The following AASDH variants were observed in gnomAD, a reference collection of about 807,000 sequenced individuals.
AASDH encodes beta-alanine-activating enzyme.
AASDH carries 81 observed loss-of-function variants against 102.3 expected under a neutral mutation model. The ratio of observed to expected loss-of-function variants is 0.79; its 90% CI spans 0.66 to 0.95. The LOEUF (loss-of-function observed/expected upper bound fraction) is 0.95, where lower values mean the gene tolerates loss of function less well. Among genes scored for constraint, AASDH ranks in the 40% least tolerant of loss-of-function variants. The pLI, the probability that AASDH is intolerant of heterozygous loss-of-function variation, is 0.00. For synonymous variants in AASDH, 398 were observed against 454.0 expected (o/e 0.88, Z 1.57); for missense variants, 1,203 against 1,266.2 (o/e 0.95, Z 0.76).
chr4:56,359,373 C>T (rs1444253537), intron 5 of AASDH, among the ~76,000 whole-genome samples: 1 of 151,948 alleles, frequency 6.6e-6, no homozygotes, highest in African/African-American at 2.4e-5. Context: ...GATTCTCCTG[C>T]CTCAGCCTCC....
At chr4:56,340,752 G>C (rs1272055907) in intron 14 of AASDH, among the ~76,000 whole-genome samples, 1 of 152,158 alleles carries the variant, frequency 6.6e-6, no homozygotes, top group Non-Finnish European at 1.5e-5. Context: ...TGTTGAATGG[G>C]AGAAAATACT....
intron 5 of AASDH, among the ~76,000 whole-genome samples, chr4:56,357,634 ATATATATAAT>A (rs1749780700): frequency 1.3e-5 from 2 of 149,076 alleles, no homozygotes; most frequent in South Asian, 4.2e-4. Flanking sequence ...AATATAAATT[ATATATATAAT>A]TATATATAAT....
At chr4:56,371,765 T>C in intron 4 of AASDH, 122 bp from the exon 5 acceptor site, 1 of 931,240 alleles carries the variant, frequency 1.1e-6, no homozygotes, top group Non-Finnish European at 1.5e-6. Context: ...TTTATTCTTC[T>C]CTCTTAAATT....
chr4:56,373,840 T>C (rs1434974501), intron 4 of AASDH, among the ~76,000 whole-genome samples: 8 of 103,996 alleles, frequency 7.7e-5, no homozygotes, highest in African/African-American at 2.5e-4. Flanking sequence ...TGTAGTTCCA[T>C]GTAGTTCATT....
intron 5 of AASDH, chr4:56,356,886 G>A: frequency 1.0e-6 from 1 of 955,598 alleles, no homozygotes; most frequent in African/African-American, 1.6e-5. Context: ...GCATCGCCAA[G>A]CTCGAAAAGG....
At chr4:56,385,027 C>T (rs138844718) in intron 1 of AASDH, among the ~76,000 whole-genome samples, 2,428 of 152,132 alleles carry the variant, frequency 0.016, 75 homozygotes, top group African/African-American at 0.055. Flanking sequence ...TGAGCCAAGA[C>T]GGCACCACTG....
chr4:56,345,347 C>A (rs1440500087), intron 11 of AASDH, 57 bp from the exon 12 acceptor site: 3 of 1,512,756 alleles, frequency 2.0e-6, no homozygotes, highest in Non-Finnish European at 2.7e-6. Flanking sequence ...GAAAATAATT[C>A]TTTAGCCTAC....
rs776865219 is a variant in AASDH, at chr4:56,349,263, C to T, written c.2488G>A (p.Gly830Ser). The part of the protein sequence containing the change: ...VSKCGNFIVV[G>S]CYNGLVYVLK... ...ACAAACCTCAAATTCAAAAACTTAC[C>T]CACCACAATAAAGTTTCCACACTTA... Residue 830 changes from glycine (G) to serine (S), a missense_variant and splice_region_variant, in exon 11 of 15, where the codon GGC becomes AGC. By Grantham distance (56) the Gly-to-Ser change is moderately conservative. Coordinates refer to ENST00000205214, the MANE Select transcript of AASDH (RefSeq NM_181806.4). 2 of 1,613,258 alleles carry T rather than the reference C, an allele frequency of 1.2e-6. No homozygotes were observed. Among genetic ancestry groups the T allele is most frequent in the Admixed American group, 1.7e-5 (1 of 59,952 alleles).
chr4:56,349,110 C>T (rs897662106), intron 11 of AASDH, 153 bp downstream of exon 11: 8 of 785,754 alleles, frequency 1.0e-5, no homozygotes, highest in Non-Finnish European at 1.4e-5. Context: ...GACCCCAAGG[C>T]CCACAATATT....
At position 56,384,191 on chromosome 4, in the gene AASDH, T is replaced by C. The variant is rs557352967; in HGVS notation, c.109A>G (p.Thr37Ala). The change falls in exon 2 of 15, where the codon ACT becomes GCT. Residue 37 changes from threonine (T) to alanine (A), a missense_variant. Thr to Ala is a moderately conservative substitution (Grantham distance 58). Coordinates refer to ENST00000205214, the MANE Select transcript of AASDH (RefSeq NM_181806.4). The part of the protein sequence containing the change: ...NQLPVYYTYK[T>A]VVNAASELSN... ...AATTCAGAAGCAGCATTAACCACAG[T>C]CTTGTAGGTGTAGTAAACTGGAAGC... is the stretch of plus-strand genomic sequence containing the variant. The C allele has an allele frequency of 6.2e-7, 1 of 1,614,084 alleles. No homozygotes were observed. The highest frequency in any genetic ancestry group is 8.5e-7 in the Non-Finnish European group (1 of 1,180,000).
intron 5 of AASDH, among the ~76,000 whole-genome samples, chr4:56,365,677 CAA>C: frequency 6.6e-6 from 1 of 152,086 alleles, no homozygotes; most frequent in East Asian, 1.9e-4. Flanking sequence ...CCAACGAGAA[CAA>C]AGACACAACA....
chr4:56,375,343 A>G (rs1027114380), intron 4 of AASDH, among the ~76,000 whole-genome samples: 1 of 151,958 alleles, frequency 6.6e-6, no homozygotes, highest in African/African-American at 2.4e-5. Flanking sequence ...GAAATTTAAT[A>G]CTCCCTAGCT....
chr4:56,348,294 G>A (rs918576174), intron 11 of AASDH, among the ~76,000 whole-genome samples: 1 of 148,590 alleles, frequency 6.7e-6, no homozygotes, highest in Non-Finnish European at 1.5e-5. Flanking sequence ...TGCTCTGCTT[G>A]CTCAGACCAG....
intron 9 of AASDH, 52 bp downstream of exon 9, chr4:56,353,352 A>G: frequency 7.2e-7 from 1 of 1,387,384 alleles, no homozygotes; most frequent in African/African-American, 1.5e-5. Context: ...CTAGTTATGA[A>G]TACAATTAGT....
rs1470029475 is a variant in AASDH at position 56,361,196 on chromosome 4, A to T, written c.862-5773T>A. ...GAAAGCCAAGGCGGGCAGATCACTT[A>T]AGGTCAGGAGTTCGAGACCAGCCTA... On this transcript the variant is annotated intron_variant, in intron 5 of 14. Transcript: ENST00000205214. Among the ~76,000 whole-genome samples, 3 of 152,228 alleles carry T rather than the reference A, an allele frequency of 2.0e-5. No homozygotes were observed. In the East Asian group the frequency reaches 5.8e-4, roughly 29 times the overall value.
At chr4:56,352,632 G>A (rs1749138501) in intron 9 of AASDH, among the ~76,000 whole-genome samples, 1 of 152,216 alleles carries the variant, frequency 6.6e-6, no homozygotes. Context: ...CCAACCTCAA[G>A]TGATCCACCT....
At chr4:56,340,847 G>C (rs1747579794) in intron 14 of AASDH, among the ~76,000 whole-genome samples, 1 of 152,074 alleles carries the variant, frequency 6.6e-6, no homozygotes, top group South Asian at 2.1e-4. Flanking sequence ...CTATTAAAAA[G>C]TGGGCAAGGG....
intron 14 of AASDH, among the ~76,000 whole-genome samples, chr4:56,340,146 G>C (rs2109835477): frequency 6.6e-6 from 1 of 152,244 alleles, no homozygotes; most frequent in African/African-American, 2.4e-5. Flanking sequence ...TCCAGCCTGG[G>C]CAACAGAACA....
chr4:56,386,843 T>C (rs1251959830), intron 1 of AASDH, among the ~76,000 whole-genome samples: 2 of 143,128 alleles, frequency 1.4e-5, no homozygotes, highest in Non-Finnish European at 3.1e-5. Context: ...AAGCAAACTC[T>C]GGTAAGCAGA....
Sources: allele counts gnomAD v4.1 joint callset (sites outside exome capture counted in the v4.1 genomes callset), GRCh38; gene constraint gnomAD v4.1.1; transcripts MANE v1.5; gene names NCBI Gene and HGNC (gene_info 2026-07-23, HGNC 2026-07-21).